SCAF8: variants seen among roughly 807,000 people sequenced by gnomAD.
SCAF8 encodes SR-related and CTD-associated factor 8.
In SCAF8, 23 loss-of-function variants were observed where a neutral mutation model predicts 140.5. The ratio of observed to expected loss-of-function variants is 0.16; its 90% confidence interval spans 0.12 to 0.23. SCAF8 has a LOEUF of 0.23. Ranked by LOEUF, SCAF8 falls within the 10% of genes least tolerant of loss-of-function variation. SCAF8 has a pLI of 1.00. For missense variants in SCAF8, 1,397 were observed against 1,555.7 expected (o/e 0.90, Z 1.72); for synonymous variants, 575 against 528.9 (o/e 1.09, Z -1.20).
rs1014320202 is a variant in SCAF8 at position 154,827,842 on chromosome 6, G to T, written c.2140+602G>T. On this transcript the variant is annotated intron_variant, in intron 18 of 19. Coordinates refer to ENST00000367178, the MANE Select transcript of SCAF8 (RefSeq NM_014892.5). ...CCTTTTTTGGGGCGGGGCGGGGGGG[G>T]GGGCGGTGTAAAACTTTATTTTTTA... Among the ~76,000 whole-genome samples the T allele has an allele frequency of 2.1e-4, 32 of 150,796 alleles. 4 individuals are homozygous for T. The East Asian group carries it at 2.4e-3, about 11-fold the overall frequency.
Position 154,820,344 on chromosome 6 carries a change from T to G in SCAF8, c.1792+11T>G. 6.3e-7 allele frequency: 1 copy of G among 1,595,522 alleles called. No individual in the cohort carries two copies. Among genetic ancestry groups the G allele is most frequent in the South Asian group, 1.1e-5 (1 of 87,294 alleles). On this transcript the variant is annotated intron_variant, in intron 15 of 19. Coordinates refer to ENST00000367178, the MANE Select transcript of SCAF8 (RefSeq NM_014892.5). ...AGACTGTAAATACTGGTAAGAATTC[T>G]AAGGTCTTTTTATTGTTAAAAAAAA...
chr6:154,754,996 T>A (rs1047783856), intron 1 of SCAF8, among the ~76,000 whole-genome samples: 7 of 152,214 alleles, frequency 4.6e-5, no homozygotes, highest in African/African-American at 1.7e-4. Context: ...TCATAAATAC[T>A]CAAAGTTGAA....
intron 1 of SCAF8, among the ~76,000 whole-genome samples, chr6:154,749,981 A>C (rs796706973): frequency 1.2e-4 from 19 of 152,180 alleles, no homozygotes; most frequent in African/African-American, 4.6e-4. Flanking sequence ...GTTTAGTAAT[A>C]ATAGGGAGCT....
chr6:154,765,107 C>G (rs1776523311), intron 1 of SCAF8, among the ~76,000 whole-genome samples: 2 of 152,266 alleles, frequency 1.3e-5, no homozygotes, highest in South Asian at 4.1e-4. Flanking sequence ...TTAAAAGCTT[C>G]TAATGGGCCA....
intron 1 of SCAF8, among the ~76,000 whole-genome samples, chr6:154,747,782 T>TC (rs1442702813): frequency 4.0e-4 from 61 of 152,274 alleles, no homozygotes; most frequent in South Asian, 4.1e-4. Flanking sequence ...ACACATTTTT[T>TC]TTTGCATTGA....
chr6:154,783,951 C>T (rs1481950736), intron 3 of SCAF8, among the ~76,000 whole-genome samples: 1 of 151,844 alleles, frequency 6.6e-6, no homozygotes, highest in East Asian at 1.9e-4. Flanking sequence ...CCTGTAGTCC[C>T]AGCTACTCAG....
rs1777054164 is a variant in SCAF8, at chr6:154,780,420, T to C, written c.159+2375T>C. On this transcript the variant is annotated intron_variant, in intron 3 of 19. Coordinates refer to ENST00000367178, the MANE Select transcript of SCAF8 (RefSeq NM_014892.5). ...GTGCAAAACACATAGGTTTGTTACA[T>C]AGGTATACCTGTGCCATGGTGGTTT... Among the ~76,000 whole-genome samples the C allele has an allele frequency of 4.0e-5, 6 of 150,896 alleles. No individual in the cohort carries two copies. In the Admixed American group the frequency reaches 4.0e-4, roughly 10 times the overall value.
intron 3 of SCAF8, 140 bp downstream of exon 3, chr6:154,778,185 GAAATA>G (rs886140274): frequency 1.1e-5 from 6 of 561,236 alleles, no homozygotes; most frequent in Admixed American, 7.5e-5. Context: ...TTCCAATTAA[GAAATA>G]AAATAAAAGT....
At chr6:154,812,198 T>A (rs61640372) in intron 12 of SCAF8, among the ~76,000 whole-genome samples, 9 of 106,618 alleles carry the variant, frequency 8.4e-5, no homozygotes, top group East Asian at 5.3e-4. Context: ...TTTTTTTTTT[T>A]TAAATAGGTT....
intron 1 of SCAF8, among the ~76,000 whole-genome samples, chr6:154,746,861 C>A (rs1224823093): frequency 6.6e-6 from 1 of 152,068 alleles, no homozygotes; most frequent in Non-Finnish European, 1.5e-5. Context: ...TCCTTGTTTG[C>A]TATTTTTTTA....
intron 1 of SCAF8, among the ~76,000 whole-genome samples, chr6:154,744,262 A>G (rs1022338630): frequency 4.6e-5 from 7 of 152,174 alleles, no homozygotes; most frequent in African/African-American, 1.4e-4. Flanking sequence ...ACTGCACTCT[A>G]GTCTGGGCAA....
chr6:154,739,621 A>G (rs561114296), intron 1 of SCAF8, among the ~76,000 whole-genome samples: 9 of 152,208 alleles, frequency 5.9e-5, no homozygotes, highest in Non-Finnish European at 1.2e-4. Context: ...CTTTAGTTAT[A>G]TTTAGGATAC....
chr6:154,764,154 T>C (rs1233881555), intron 1 of SCAF8, among the ~76,000 whole-genome samples: 1 of 152,200 alleles, frequency 6.6e-6, no homozygotes, highest in East Asian at 1.9e-4. Flanking sequence ...CAAGTGATAG[T>C]ATAGAAACTT....
chr6:154,795,896 T>A (rs1777587247), intron 6 of SCAF8, among the ~76,000 whole-genome samples: 1 of 152,230 alleles, frequency 6.6e-6, no homozygotes, highest in Admixed American at 6.5e-5. Flanking sequence ...TTTGTAGCTC[T>A]TTAAATGTAG....
intron 6 of SCAF8, among the ~76,000 whole-genome samples, chr6:154,800,533 AG>A (rs2114896152): frequency 6.6e-6 from 1 of 151,714 alleles, no homozygotes; most frequent in African/African-American, 2.4e-5. Context: ...GGGAATCACC[AG>A]GGACTTTTTA....
chr6:154,790,799 T>C lies in SCAF8; in HGVS notation c.322-2024T>C, dbSNP rs538211679. On this transcript the variant is annotated intron_variant, in intron 4 of 19. Transcript: ENST00000367178. ...TGCTGGGATTACAGGCGTGAGCCAC[T>C]GCACCTGGCCTCTTTTTTCGTACTT... 8.5e-5 allele frequency among the ~76,000 whole-genome samples: 13 copies of C among 152,246 alleles called. No homozygotes were observed. The South Asian group carries it at 2.1e-3, about 24-fold the overall frequency.
intron 1 of SCAF8, among the ~76,000 whole-genome samples, chr6:154,771,950 G>A (rs762733803): frequency 6.6e-6 from 1 of 152,132 alleles, no homozygotes; most frequent in Non-Finnish European, 1.5e-5. Flanking sequence ...GTATTTAGAC[G>A]TTGTTCTTCA....
chr6:154,821,062 C>G (rs1778409319), intron 15 of SCAF8, among the ~76,000 whole-genome samples: 1 of 152,134 alleles, frequency 6.6e-6, no homozygotes, highest in South Asian at 2.1e-4. Flanking sequence ...ATTCCTCACC[C>G]CACCCCGCCA....
chr6:154,795,868 T>C (rs1384786415), intron 6 of SCAF8, among the ~76,000 whole-genome samples: 2 of 152,216 alleles, frequency 1.3e-5, no homozygotes, highest in Admixed American at 6.5e-5. Flanking sequence ...TCAAATCTTT[T>C]ATGTCTCTTA....
Sources: gnomAD v4.1 joint callset for allele counts (sites outside exome capture counted in the v4.1 genomes callset) on GRCh38, gnomAD v4.1.1 for gene constraint, MANE v1.5 for transcripts, NCBI Gene and HGNC (gene_info 2026-07-23, HGNC 2026-07-21) for gene names.